SORBS3: variants seen among roughly 807,000 people sequenced by gnomAD.
The protein encoded by SORBS3 is sorbin and SH3 domain containing 3.
In SORBS3, 69 loss-of-function variants were observed where a neutral mutation model predicts 98.0. The observed-to-expected ratio is 0.70, with a 90% CI of 0.58 to 0.86. The LOEUF is 0.86. SORBS3 is among the 40% of genes least tolerant of loss of function. The pLI, the probability that SORBS3 is intolerant of heterozygous loss-of-function variation, is 0.00. For synonymous variants in SORBS3, 394 were observed against 355.4 expected (o/e 1.11, Z -1.22); for missense variants, 954 against 908.5 (o/e 1.05, Z -0.64).
At position 22,554,892 on chromosome 8, in the gene SORBS3, C is replaced by A; in HGVS notation, c.132C>A (p.Asn44Lys). The A allele has an allele frequency of 6.2e-7, 1 of 1,607,464 alleles. No homozygotes were observed. Among genetic ancestry groups the A allele is most frequent in the Non-Finnish European group, 8.5e-7 (1 of 1,176,244 alleles). ...RVPVIRNGGS[N>K]TLNFQFHDPA... ...CCGTGATCCGGAATGGTGGCTCCAA[C>A]ACCCTTAATTTCCAGTTCCACGACC... The change falls in exon 3 of 21, where the codon AAC becomes AAA. Residue 44 changes from asparagine (N) to lysine (K), a missense_variant. By Grantham distance (94) the Asn-to-Lys change is moderately conservative (BLOSUM62 0). Transcript: ENST00000240123. This position sits in a 1 kb window ranked among gnomAD's most constrained non-coding sequence, Gnocchi z 6.5.
intron 4 of SORBS3, among the ~76,000 whole-genome samples, chr8:22,557,272 C>A (rs557553918): frequency 6.6e-6 from 1 of 152,246 alleles, no homozygotes; most frequent in East Asian, 1.9e-4. Flanking sequence ...ACTGACCGGC[C>A]GAATGAGTGA....
intron 10 of SORBS3, chr8:22,565,053 C>A: frequency 7.0e-7 from 1 of 1,418,844 alleles, no homozygotes; most frequent in Non-Finnish European, 9.2e-7. Flanking sequence ...CGCGTAGGCA[C>A]TCCCGGGGCG....
chr8:22,569,550 G>GAT (rs1840516845), intron 17 of SORBS3, among the ~76,000 whole-genome samples: 1 of 152,142 alleles, frequency 6.6e-6, no homozygotes, highest in South Asian at 2.1e-4. Flanking sequence ...ATGTTGGCCA[G>GAT]GATGGTCTCA....
chr8:22,551,757 C>T, upstream of SORBS3: 1 of 984,928 alleles, frequency 1.0e-6, no homozygotes. The surrounding 1 kb of genome is among the most constrained non-coding windows in gnomAD (Gnocchi z 5.8). Flanking sequence ...AGCCCCGGCC[C>T]GCAGTCCAGA....
intron 16 of SORBS3, 147 bp downstream of exon 16, chr8:22,567,322 T>C (rs1586902723): frequency 1.3e-5 from 8 of 631,034 alleles, no homozygotes; most frequent in Non-Finnish European, 2.2e-5. Flanking sequence ...CCCACAGGGC[T>C]TGGCCCAATG....
upstream of SORBS3, among the ~76,000 whole-genome samples, chr8:22,550,349 T>G (rs1334981909): frequency 6.6e-6 from 1 of 152,216 alleles, no homozygotes; most frequent in Non-Finnish European, 1.5e-5. Context: ...TTTACATAGA[T>G]GCCCCACAAC....
intron 5 of SORBS3, among the ~76,000 whole-genome samples, chr8:22,559,298 T>C (rs2117234368): frequency 6.6e-6 from 1 of 152,300 alleles, no homozygotes; most frequent in African/African-American, 2.4e-5. Flanking sequence ...GTCACTGGAA[T>C]TTGCTGATGG....
intron 15 of SORBS3, 40 bp from the exon 16 acceptor site, chr8:22,567,021 A>G (rs201106409): frequency 2.2e-5 from 34 of 1,578,798 alleles, no homozygotes; most frequent in Non-Finnish European, 1.9e-5. Context: ...AGGCTTGGGA[A>G]GGCTTCAGCT....
Position 22,564,013 on chromosome 8 carries a change from T to A in SORBS3, c.611T>A (p.Leu204Ter). The change falls in exon 8 of 21, where the codon TTA (leucine) becomes TAA (stop). Residue 204 changes from leucine (L) to a stop codon, truncating the protein, a stop_gained. Transcript: ENST00000240123. LOFTEE classifies it high-confidence loss of function. Reference sequence around the variant, plus strand: ...AGAAGCTGGGACCACTCTGAAGAGTTACCTAGAAGCACCTTCAACTACAGA... The same window carrying A: ...AGAAGCTGGGACCACTCTGAAGAGTAACCTAGAAGCACCTTCAACTACAGA... ...SGRSWDHSEE[L>*]PRSTFNYRPG... is the part of the protein sequence containing the mutation. The A allele has an allele frequency of 6.2e-7, 1 of 1,613,988 alleles. No homozygotes were observed. The highest frequency in any genetic ancestry group is 8.5e-7 in the Non-Finnish European group (1 of 1,179,978).
chr8:22,563,688 G>A lies in SORBS3; in HGVS notation c.585-299G>A, dbSNP rs764227790. On this transcript the variant is annotated intron_variant, in intron 7 of 20. Coordinates refer to ENST00000240123, the MANE Select transcript of SORBS3 (RefSeq NM_005775.5). ...AAATATGTGTGTGAGGCCTTCTCCC[G>A]GGCACCTCATATATGTTCTCTCACC... 3.9e-5 allele frequency among the ~76,000 whole-genome samples: 6 copies of A among 152,112 alleles called. No homozygotes were observed. In the East Asian group the frequency reaches 1.2e-3, roughly 29 times the overall value.
intron 17 of SORBS3, among the ~76,000 whole-genome samples, chr8:22,570,407 C>CAGG: frequency 6.6e-6 from 1 of 152,332 alleles, no homozygotes; most frequent in Admixed American, 6.5e-5. Context: ...GAGGCAGGAA[C>CAGG]AGGACCCAGG....
intron 11 of SORBS3, 122 bp downstream of exon 11, chr8:22,565,476 C>A: frequency 1.3e-6 from 1 of 772,968 alleles, no homozygotes. Context: ...TCCAGCGGCG[C>A]GCACCGGCCT....
At chr8:22,556,634 T>G (rs993044758) in intron 3 of SORBS3, 81 bp from the exon 4 acceptor site, 2 of 1,250,276 alleles carry the variant, frequency 1.6e-6, no homozygotes, top group Non-Finnish European at 1.2e-6. Context: ...CAGAGATCCA[T>G]GCTCTGAGGA....
rs1288603562 is a variant in SORBS3 at position 22,574,995 on chromosome 8, C to T, written c.*267C>T. ...ACAGAGGTCTGCTTTGAAGCGGAGA[C>T]CATTTCCAGGCCTTATTGAGACCAG... On this transcript the variant is annotated 3_prime_UTR_variant, in exon 21 of 21. Coordinates refer to ENST00000240123, the MANE Select transcript of SORBS3 (RefSeq NM_005775.5). The T allele has an allele frequency of 1.6e-6, 1 of 631,448 alleles. No individual in the cohort carries two copies. Among genetic ancestry groups the T allele is most frequent in the African/African-American group, 1.8e-5 (1 of 55,474 alleles). 39.1% of individuals were successfully genotyped at this position (631,448 alleles called of 1,614,324 possible). A position where few individuals can be genotyped will look rare whatever the true frequency, so the allele number is the denominator to read the frequency against.
At position 22,554,259 on chromosome 8, in the gene SORBS3, G is replaced by C. The variant is rs1840141520; in HGVS notation, c.-55-193G>C. ...CTAACAAGTGGTCCATTGTGCCCCTGGGAGCCGGCAGGCACGGGCAGCCTG... is the reference window on the plus strand; with the variant it reads ...CTAACAAGTGGTCCATTGTGCCCCTCGGAGCCGGCAGGCACGGGCAGCCTG... On this transcript the variant is annotated intron_variant, in intron 1 of 20. Coordinates refer to ENST00000240123, the MANE Select transcript of SORBS3 (RefSeq NM_005775.5). The surrounding 1 kb of genome is among the most constrained non-coding windows in gnomAD (Gnocchi z 6.5). The C allele has an allele frequency of 6.5e-6, 3 of 461,136 alleles. No individual in the cohort carries two copies. Among genetic ancestry groups the C allele is most frequent in the South Asian group, 5.8e-5 (2 of 34,258 alleles). The allele number at this position is 461,136 out of a possible 1,614,324, so 28.6% of individuals were successfully genotyped here.
rs549907528 is a variant in SORBS3, at chr8:22,563,228, TC to T, written c.585-756del. Among the ~76,000 whole-genome samples the T allele has an allele frequency of 3.3e-5, 5 of 152,266 alleles. No homozygotes were observed. In the East Asian group the frequency reaches 9.6e-4, roughly 29 times the overall value. ...TGGAGTCATTATTACAGCCAACAAA[TC>T]CCAACCCTTGGTCAGACGTTGTATT... On this transcript the variant is annotated intron_variant, in intron 7 of 20. Coordinates refer to ENST00000240123, the MANE Select transcript of SORBS3 (RefSeq NM_005775.5).
chr8:22,565,741 G>A lies in SORBS3; in HGVS notation c.904-85G>A, dbSNP rs771374000. ...CCCGCCCGCTCTCCTCCCCTCCCGA[G>A]CCGCGAACTTTTCCGGAGGCGGCGG... On this transcript the variant is annotated intron_variant, in intron 11 of 20. Transcript: ENST00000240123. The A allele has an allele frequency of 3.1e-6, 4 of 1,274,512 alleles. No homozygotes were observed. The East Asian group carries it at 9.9e-5, about 32-fold the overall frequency. 79.0% of individuals were successfully genotyped at this position (1,274,512 alleles called of 1,614,324 possible). A position where few individuals can be genotyped will look rare whatever the true frequency, so the allele number is the denominator to read the frequency against.
At position 22,551,969 on chromosome 8, in the gene SORBS3, A is replaced by G. The variant is rs1840090554; in HGVS notation, c.-109A>G. The G allele has an allele frequency of 4.1e-6, 4 of 985,086 alleles. No homozygotes were observed. In the Admixed American group the frequency reaches 2.5e-4, roughly 61 times the overall value. 61.0% of individuals were successfully genotyped at this position (985,086 alleles called of 1,614,324 possible). On this transcript the variant is annotated 5_prime_UTR_variant, in exon 1 of 21. It removes an upstream start codon present in the reference 5' UTR. Coordinates refer to ENST00000240123, the MANE Select transcript of SORBS3 (RefSeq NM_005775.5). The surrounding 1 kb of genome is among the most constrained non-coding windows in gnomAD (Gnocchi z 5.8). ...CGCGCCAGGCAGCAGCCGGGCAGGG[A>G]TGCTCCTGCGCTCCCGGGCGGCCTC...
At chr8:22,571,898 C>A (rs537153400) in intron 19 of SORBS3, 77 bp downstream of exon 19, 292 of 1,043,554 alleles carry the variant, frequency 2.8e-4, no homozygotes, top group Non-Finnish European at 3.3e-4. Flanking sequence ...CCACCCTCCC[C>A]CAAGTCCCCA....
Sources: gnomAD v4.1 joint callset for allele counts (sites outside exome capture counted in the v4.1 genomes callset) on GRCh38, gnomAD v4.1.1 for gene constraint, Gnocchi (gnomAD v3.1) non-coding constraint, MANE v1.5 for transcripts, NCBI Gene and HGNC (gene_info 2026-07-23, HGNC 2026-07-21) for gene names.